FHIP1A: variants seen among roughly 807,000 people sequenced by gnomAD.
The protein encoded by FHIP1A is FHF complex subunit HOOK-interacting protein 1A.
FHIP1A carries 61 observed loss-of-function variants against 88.6 expected under a neutral mutation model. The ratio of observed to expected loss-of-function variants is 0.69; its 90% CI spans 0.56 to 0.85. FHIP1A has a LOEUF of 0.85. Among genes scored for constraint, FHIP1A ranks in the 40% least tolerant of loss-of-function variants. FHIP1A has a pLI of 0.00. For synonymous variants in FHIP1A, 478 were observed against 496.0 expected, an observed-to-expected ratio of 0.96 and a Z score of 0.48; for missense variants, 1,154 against 1,273.5, an observed-to-expected ratio of 0.91 and a Z score of 1.43.
At chr4:151,475,077 G>A (rs573815293) in intron 2 of FHIP1A, among the ~76,000 whole-genome samples, 19 of 152,316 alleles carry the variant, frequency 1.2e-4, no homozygotes, top group Admixed American at 9.2e-4. Flanking sequence ...AGTTTCAGCT[G>A]TGCTTCTGTG....
chr4:151,645,295 G>A (rs757291349), intron 9 of FHIP1A, among the ~76,000 whole-genome samples: 6 of 152,070 alleles, frequency 3.9e-5, no homozygotes, highest in Non-Finnish European at 7.4e-5. Flanking sequence ...TGGCAAGTTT[G>A]CTATATCATA....
At chr4:151,547,704 A>G (rs1396644443) in intron 3 of FHIP1A, among the ~76,000 whole-genome samples, 1 of 152,160 alleles carries the variant, frequency 6.6e-6, no homozygotes, top group Non-Finnish European at 1.5e-5. Flanking sequence ...ACCTGAGTTC[A>G]GGAGTTTGAG....
chr4:151,638,629 G>GT, intron 8 of FHIP1A, 48 bp from the exon 9 acceptor site: 1 of 1,148,114 alleles, frequency 8.7e-7, no homozygotes, highest in Non-Finnish European at 1.3e-6. Context: ...GGGGAGTAGA[G>GT]TTATCGTTCC....
At chr4:151,662,375 G>T in intron 13 of FHIP1A, 126 bp from the exon 14 acceptor site, 1 of 1,023,728 alleles carries the variant, frequency 9.8e-7, no homozygotes, top group Non-Finnish European at 1.4e-6. Context: ...GATTTAGTCC[G>T]TTATAGGAAC....
chr4:151,501,988 T>G (rs13137987), intron 3 of FHIP1A, among the ~76,000 whole-genome samples: 7 of 151,526 alleles, frequency 4.6e-5, no homozygotes, highest in African/African-American at 1.7e-4. Context: ...CTTTAAATTA[T>G]GTATGCTGAG....
rs1198934098 is a variant in FHIP1A, at chr4:151,588,840, G to A, written c.892G>A (p.Val298Met). 1.3e-6 allele frequency: 2 copies of A among 1,547,922 alleles called. No homozygotes were observed. The highest frequency in any genetic ancestry group is 2.7e-5 in the African/African-American group (2 of 72,888). Residue 298 changes from valine (V) to methionine (M), a missense_variant and splice_region_variant, in exon 7 of 14, where the codon GTG (valine) becomes ATG (methionine). Coordinates refer to ENST00000435205, the MANE Select transcript of FHIP1A (RefSeq NM_001109977.3). The stretch of plus-strand genomic sequence containing the variant: ...TCATGCCTATGTGCCTCTCTCTCAG[G>A]TGGCTCACCCCTTGATTCGAAATCA... ...SLEFCNAVIQ[V>M]AHPLIRNQLV...
intron 1 of FHIP1A, among the ~76,000 whole-genome samples, chr4:151,433,614 A>G (rs1733681133): frequency 6.6e-6 from 1 of 152,140 alleles, no homozygotes; most frequent in Non-Finnish European, 1.5e-5. Flanking sequence ...AGAGGTGTTA[A>G]CTAAGGGCAT....
chr4:151,510,013 A>G (rs1257874386), intron 3 of FHIP1A, among the ~76,000 whole-genome samples: 1 of 151,532 alleles, frequency 6.6e-6, no homozygotes, highest in Non-Finnish European at 1.5e-5. Flanking sequence ...TGCTGTTCCT[A>G]CTCTGGCCCT....
intron 2 of FHIP1A, among the ~76,000 whole-genome samples, chr4:151,465,404 C>G (rs1328669319): frequency 6.6e-6 from 1 of 152,034 alleles, no homozygotes; most frequent in Non-Finnish European, 1.5e-5. Context: ...AAAAAAAGCC[C>G]AGGATCAGAC....
At chr4:151,516,540 G>C (rs1005296527) in intron 3 of FHIP1A, among the ~76,000 whole-genome samples, 1 of 152,060 alleles carries the variant, frequency 6.6e-6, no homozygotes, top group Non-Finnish European at 1.5e-5. Flanking sequence ...TAAAATTTTT[G>C]CAACCTACTC....
intron 11 of FHIP1A, among the ~76,000 whole-genome samples, chr4:151,655,123 C>T (rs547744510): frequency 2.0e-5 from 3 of 152,078 alleles, no homozygotes; most frequent in South Asian, 4.1e-4. Context: ...TTGTTAAACT[C>T]GTATTAATGT....
At chr4:151,506,472 T>C (rs1206556864) in intron 3 of FHIP1A, among the ~76,000 whole-genome samples, 1 of 152,150 alleles carries the variant, frequency 6.6e-6, no homozygotes, top group Non-Finnish European at 1.5e-5. Flanking sequence ...CTGTAGGCTG[T>C]AAAATAAGCA....
chr4:151,490,247 G>A (rs1730234069), intron 3 of FHIP1A, among the ~76,000 whole-genome samples: 1 of 152,184 alleles, frequency 6.6e-6, no homozygotes, highest in South Asian at 2.1e-4. Flanking sequence ...GACTCCCGCA[G>A]AGTCCACTTT....
chr4:151,541,809 G>A (rs1732301994), intron 3 of FHIP1A, among the ~76,000 whole-genome samples: 1 of 152,174 alleles, frequency 6.6e-6, no homozygotes, highest in South Asian at 2.1e-4. Context: ...TTTGTAAATA[G>A]TTGCTCCTTT....
rs908313425 is a variant in FHIP1A at position 151,566,165 on chromosome 4, A to G, written c.-95A>G. On this transcript the variant is annotated 5_prime_UTR_variant, in exon 4 of 14. Coordinates refer to ENST00000435205, the MANE Select transcript of FHIP1A (RefSeq NM_001109977.3). ...TTTGGAAGGTGACAATGAAATGTGA[A>G]GAAGTTACATTTCTCAAACTTGAAA... 1 of 655,552 alleles carries G rather than the reference A, an allele frequency of 1.5e-6. No homozygotes were observed. The highest frequency in any genetic ancestry group is 1.9e-5 in the African/African-American group (1 of 53,356). 40.6% of individuals were successfully genotyped at this position (655,552 alleles called of 1,614,324 possible).
chr4:151,606,146 C>T (rs974458565), intron 7 of FHIP1A, among the ~76,000 whole-genome samples: 1 of 152,264 alleles, frequency 6.6e-6, no homozygotes, highest in African/African-American at 2.4e-5. Flanking sequence ...TTCTCCTGTC[C>T]GTTCTTCCTC....
At chr4:151,586,496 TG>T (rs1385314182) in intron 5 of FHIP1A, 144 bp from the exon 6 acceptor site, 1 of 572,618 alleles carries the variant, frequency 1.7e-6, no homozygotes, top group Non-Finnish European at 3.0e-6. Flanking sequence ...CGTTTTTAGC[TG>T]GCTGACGGGC....
At chr4:151,603,354 C>G (rs1409094503) in intron 7 of FHIP1A, among the ~76,000 whole-genome samples, 1 of 151,890 alleles carries the variant, frequency 6.6e-6, no homozygotes, top group African/African-American at 2.4e-5. Flanking sequence ...GCTTTATTAA[C>G]AACCCCTGGG....
chr4:151,527,022 C>T (rs555589195), intron 3 of FHIP1A, among the ~76,000 whole-genome samples: 1,911 of 150,386 alleles, frequency 0.013, 47 homozygotes, highest in African/African-American at 0.045. Context: ...CGGGCAGAGA[C>T]ACTCCTCACT....
Sources: allele counts gnomAD v4.1 joint callset (sites outside exome capture counted in the v4.1 genomes callset), GRCh38; gene constraint gnomAD v4.1.1; transcripts MANE v1.5; gene names NCBI Gene and HGNC (gene_info 2026-07-23, HGNC 2026-07-21).